The following SNX29 variants were observed in gnomAD, a reference collection of about 807,000 sequenced individuals.
SNX29 encodes the protein sorting nexin 29.
A neutral mutation model predicts 102.1 loss-of-function variants in SNX29; 78 were observed. The ratio of observed to expected loss-of-function variants is 0.76; its 90% CI spans 0.64 to 0.92. SNX29 has a LOEUF of 0.92. Ranked by LOEUF, SNX29 falls within the 40% of genes least tolerant of loss-of-function variation. The pLI is 0.00. For missense variants in SNX29, 1,280 were observed against 1,061.7 expected (o/e 1.21, Z -2.86); for synonymous variants, 580 against 414.5 (o/e 1.40, Z -4.85).
Position 12,363,288 on chromosome 16 carries a change from G to A in SNX29, c.1899+7009G>A, listed in dbSNP as rs186590077. Reference sequence around the variant, plus strand: ...CCAGCTCAGTTTTCCTCCTGGAGTCGTCTTTTGTTTTTTTCTCTGGCTTTT... The same window carrying A: ...CCAGCTCAGTTTTCCTCCTGGAGTCATCTTTTGTTTTTTTCTCTGGCTTTT... On this transcript the variant is annotated intron_variant, in intron 16 of 20. Coordinates refer to ENST00000566228, the MANE Select transcript of SNX29 (RefSeq NM_032167.5). Among the ~76,000 whole-genome samples, 122 of 152,272 alleles carry A rather than the reference G, an allele frequency of 8.0e-4. 1 individual carries two copies. Among genetic ancestry groups the A allele is most frequent in the Non-Finnish European group, 4.3e-4 (29 of 68,022 alleles).
At chr16:12,545,617 G>T (rs527829539) in intron 20 of SNX29, 1 of 152,094 alleles carries the variant, frequency 6.6e-6, no homozygotes, top group East Asian at 1.9e-4. Context: ...GAAAGCAAGG[G>T]TCTGGCTCTT....
intron 15 of SNX29, among the ~76,000 whole-genome samples, chr16:12,311,745 A>G (rs968479837): frequency 2.0e-5 from 3 of 152,258 alleles, no homozygotes; most frequent in Non-Finnish European, 2.9e-5. Context: ...CTGGAGGCAG[A>G]GAGCTTGGCC....
In SNX29 at chr16:12,572,131, C is replaced by A. The variant is rs560458045; in HGVS notation, c.*3502C>A. 9 of 1,020,492 alleles carry A rather than the reference C, an allele frequency of 8.8e-6. No homozygotes were observed. Among genetic ancestry groups the A allele is most frequent in the Non-Finnish European group, 1.1e-5 (9 of 838,912 alleles). 63.2% of individuals were successfully genotyped at this position (1,020,492 alleles called of 1,614,324 possible). A position where few individuals can be genotyped will look rare whatever the true frequency, so the allele number is the denominator to read the frequency against. On this transcript the variant is annotated 3_prime_UTR_variant, in exon 21 of 21. Coordinates refer to ENST00000566228, the MANE Select transcript of SNX29 (RefSeq NM_032167.5). ...CTGATCACAGCCCTTGGCCCTGCTT[C>A]ATACTTTGGAGCTTATTAAGATCAA...
chr16:12,189,529 C>CAGGT (rs1037707252), intron 13 of SNX29, among the ~76,000 whole-genome samples: 5 of 152,122 alleles, frequency 3.3e-5, no homozygotes, highest in African/African-American at 1.2e-4. Context: ...TGCATCCTGG[C>CAGGT]AGGTGGTGCA....
intron 13 of SNX29, among the ~76,000 whole-genome samples, chr16:12,134,877 C>T (rs1018593655): frequency 6.6e-6 from 1 of 152,174 alleles, no homozygotes; most frequent in Non-Finnish European, 1.5e-5. Flanking sequence ...AGGGGTTTAT[C>T]GTAAGGTATT....
At chr16:12,405,000 A>G (rs938461338) in intron 18 of SNX29, among the ~76,000 whole-genome samples, 1 of 152,204 alleles carries the variant, frequency 6.6e-6, no homozygotes, top group Non-Finnish European at 1.5e-5. Context: ...TTGAGTGTTC[A>G]TGTTGTTCCC....
intron 15 of SNX29, among the ~76,000 whole-genome samples, chr16:12,342,799 C>T (rs1004894564): frequency 6.6e-6 from 1 of 152,200 alleles, no homozygotes; most frequent in South Asian, 2.1e-4. Context: ...CCAAGTTCAT[C>T]CCCCAGACCA....
intron 15 of SNX29, among the ~76,000 whole-genome samples, chr16:12,352,320 A>G (rs2082011725): frequency 1.3e-5 from 2 of 152,006 alleles, no homozygotes; most frequent in African/African-American, 4.8e-5. Context: ...GAACAATGAG[A>G]ACACATGGAC....
At chr16:12,265,487 A>G (rs1219931349) in intron 14 of SNX29, among the ~76,000 whole-genome samples, 1 of 152,170 alleles carries the variant, frequency 6.6e-6, no homozygotes, top group Non-Finnish European at 1.5e-5. Context: ...GGAAAGACAC[A>G]TGAGACATGA....
chr16:12,505,131 A>G (rs541064043), intron 19 of SNX29, among the ~76,000 whole-genome samples: 1 of 152,308 alleles, frequency 6.6e-6, no homozygotes, highest in South Asian at 2.1e-4. Context: ...AAAAAACAAA[A>G]AGAGACTCCT....
chr16:12,459,416 C>G (rs989133279), intron 18 of SNX29, among the ~76,000 whole-genome samples: 9 of 152,102 alleles, frequency 5.9e-5, no homozygotes, highest in East Asian at 1.9e-4. Flanking sequence ...CATGCCTACT[C>G]TAGGGTCAGA....
At chr16:12,389,166 C>T (rs1015191069) in intron 16 of SNX29, among the ~76,000 whole-genome samples, 33 of 152,332 alleles carry the variant, frequency 2.2e-4, no homozygotes, top group African/African-American at 6.7e-4. Flanking sequence ...CGGTTTTGGA[C>T]AGCTGCCTTT....
intron 14 of SNX29, among the ~76,000 whole-genome samples, chr16:12,224,427 G>T (rs2077557933): frequency 1.3e-5 from 2 of 152,334 alleles, no homozygotes; most frequent in African/African-American, 4.8e-5. Context: ...TCCCAGCCTG[G>T]AGAGGAGGGA....
intron 15 of SNX29, among the ~76,000 whole-genome samples, chr16:12,297,820 G>T (rs1488887653): frequency 6.6e-5 from 10 of 152,074 alleles, no homozygotes; most frequent in African/African-American, 9.7e-5. Context: ...AACAACTGTC[G>T]AAACCTTCCC....
At chr16:12,393,429 C>G (rs1408154161) in intron 16 of SNX29, among the ~76,000 whole-genome samples, 2 of 145,506 alleles carry the variant, frequency 1.4e-5, no homozygotes, top group Non-Finnish European at 3.1e-5. Context: ...TTCATTCATT[C>G]ATTCAGTGTG....
intron 14 of SNX29, among the ~76,000 whole-genome samples, chr16:12,212,325 A>G (rs2077208177): frequency 2.0e-5 from 3 of 152,220 alleles, no homozygotes; most frequent in Admixed American, 2.0e-4. Flanking sequence ...CGGAAAGCAG[A>G]ACCATTGACT....
chr16:12,112,689 C>T (rs1012489350), intron 11 of SNX29, among the ~76,000 whole-genome samples: 4 of 152,118 alleles, frequency 2.6e-5, no homozygotes, highest in East Asian at 1.9e-4. Flanking sequence ...GTGTGAGTTT[C>T]GAGTGAAAGG....
intron 19 of SNX29, among the ~76,000 whole-genome samples, chr16:12,485,673 A>G (rs944574804): frequency 6.6e-6 from 1 of 152,134 alleles, no homozygotes; most frequent in East Asian, 1.9e-4. Context: ...TACCGAGTGC[A>G]GGGCTGTTGT....
chr16:12,041,789 C>A (rs1202678368), intron 4 of SNX29, among the ~76,000 whole-genome samples: 5 of 152,226 alleles, frequency 3.3e-5, no homozygotes, highest in African/African-American at 1.2e-4. Context: ...GATCCTAACA[C>A]AGTTGCATAG....
Sources: gnomAD v4.1 joint callset for allele counts (sites outside exome capture counted in the v4.1 genomes callset) on GRCh38, gnomAD v4.1.1 for gene constraint, MANE v1.5 for transcripts, NCBI Gene and HGNC (gene_info 2026-07-23, HGNC 2026-07-21) for gene names.